Variants in TIGIT observed in about 807,000 individuals in gnomAD.
The protein encoded by TIGIT is T cell immunoreceptor with Ig and ITIM domains.
Under a neutral mutation model 19.6 loss-of-function variants are expected in TIGIT, and 11 were observed. The observed-to-expected ratio is 0.56, with a 90% CI of 0.35 to 0.93. The LOEUF is 0.93. TIGIT is among the 40% of genes least tolerant of loss of function. The probability of loss-of-function intolerance (pLI) is 0.01; values close to 1 mark genes in which losing one functional copy is unlikely to be tolerated. For missense variants in TIGIT, 295 were observed against 303.9 expected (o/e 0.97, Z 0.22); for synonymous variants, 130 against 125.5 (o/e 1.04, Z -0.24).
chr3:114,297,848 C>T (rs1462070018), intron 2 of TIGIT, among the ~76,000 whole-genome samples: 1 of 152,206 alleles, frequency 6.6e-6, no homozygotes, highest in African/African-American at 2.4e-5. Context: ...CCCACAAAGC[C>T]TGTATGTTTC....
At chr3:114,303,795 T>C (rs1337153234) in intron 3 of TIGIT, among the ~76,000 whole-genome samples, 1 of 152,030 alleles carries the variant, frequency 6.6e-6, no homozygotes, top group East Asian at 1.9e-4. Flanking sequence ...GTGGGATTAC[T>C]GGATTAAATC....
At chr3:114,300,473 A>G (rs1273112788) in intron 3 of TIGIT, among the ~76,000 whole-genome samples, 1 of 152,116 alleles carries the variant, frequency 6.6e-6, no homozygotes, top group East Asian at 1.9e-4. Flanking sequence ...AGAGTAATGA[A>G]TGGGGAATTG....
intron 1 of TIGIT, among the ~76,000 whole-genome samples, chr3:114,294,721 T>C (rs2078442245): frequency 6.6e-6 from 1 of 151,928 alleles, no homozygotes; most frequent in African/African-American, 2.4e-5. Flanking sequence ...TGGGGAGAGG[T>C]TAAGTGCTGA....
chr3:114,295,009 A>G (rs1192732975), intron 1 of TIGIT: 1 of 155,976 alleles, frequency 6.4e-6, no homozygotes, highest in Non-Finnish European at 1.4e-5. Flanking sequence ...CAAGCTGGCC[A>G]TGAAGCTACA....
chr3:114,295,426 C>T (rs1576135233), intron 1 of TIGIT, 119 bp from the exon 2 acceptor site: 1 of 749,932 alleles, frequency 1.3e-6, no homozygotes, highest in Non-Finnish European at 2.3e-6. Context: ...ACAGGATGGA[C>T]TGGAGAAACT....
At chr3:114,304,520 A>G (rs2078518235) in intron 3 of TIGIT, among the ~76,000 whole-genome samples, 1 of 152,198 alleles carries the variant, frequency 6.6e-6, no homozygotes, top group Non-Finnish European at 1.5e-5. Context: ...TTGACGCATT[A>G]TCCCTCATCC....
chr3:114,297,558 C>T (rs148522461), intron 2 of TIGIT, among the ~76,000 whole-genome samples: 35 of 152,216 alleles, frequency 2.3e-4, no homozygotes, highest in African/African-American at 6.3e-4. Context: ...ACGGCAGGAC[C>T]GGGAACAGGG....
rs188953993 is a variant in TIGIT, at chr3:114,299,799, T to G, written c.498+96T>G. On this transcript the variant is annotated intron_variant, in intron 3 of 3. Coordinates refer to ENST00000383671, the MANE Select transcript of TIGIT (RefSeq NM_173799.4). ...CTTTCCACCCAGAGAGAGACCCAGA[T>G]GTGATCTTCCCGAGTGCTCTTTGTG... 1,326 of 758,718 alleles carry G rather than the reference T, an allele frequency of 1.7e-3. 1 individual carries two copies. The highest frequency in any genetic ancestry group is 1.8e-3 in the Non-Finnish European group (812 of 443,940). 47.0% of individuals were successfully genotyped at this position (758,718 alleles called of 1,614,324 possible).
intron 2 of TIGIT, among the ~76,000 whole-genome samples, chr3:114,297,283 C>T (rs900502196): frequency 1.3e-5 from 2 of 152,076 alleles, no homozygotes; most frequent in African/African-American, 4.8e-5. Flanking sequence ...AAATTATGTA[C>T]TTTTTTTCTC....
At position 114,308,197 on chromosome 3, in the gene TIGIT, C is replaced by A; in HGVS notation, c.*66C>A. 7.8e-7 allele frequency: 1 copy of A among 1,290,234 alleles called. No individual in the cohort carries two copies. Among genetic ancestry groups the A allele is most frequent in the Non-Finnish European group, 1.1e-6 (1 of 898,286 alleles). 79.9% of individuals were successfully genotyped at this position (1,290,234 alleles called of 1,614,324 possible). A position where few individuals can be genotyped will look rare whatever the true frequency, so the allele number is the denominator to read the frequency against. On this transcript the variant is annotated 3_prime_UTR_variant, in exon 4 of 4. Transcript: ENST00000383671. ...CTATTATAGATGAATATATAAGCAG[C>A]TGTACTCTCCATCAGTGCTGCGTGT...
chr3:114,297,306 G>T (rs1219961658), intron 2 of TIGIT, among the ~76,000 whole-genome samples: 1 of 152,046 alleles, frequency 6.6e-6, no homozygotes, highest in African/African-American at 2.4e-5. Flanking sequence ...TTTTCTTGTC[G>T]ATAAAATGTG....
chr3:114,309,031 C>G lies in TIGIT; in HGVS notation c.*900C>G, dbSNP rs560521373. 1 of 152,352 alleles carries G rather than the reference C, an allele frequency of 6.6e-6. No individual in the cohort carries two copies. Among genetic ancestry groups the G allele is most frequent in the African/African-American group, 2.4e-5 (1 of 41,570 alleles). The allele number at this position is 152,352 out of a possible 1,614,324, so 9.4% of individuals were successfully genotyped here. On this transcript the variant is annotated 3_prime_UTR_variant, in exon 4 of 4. Transcript: ENST00000383671. ...TCCGGCCGTGTGTGCTGGGGAAGCC[C>G]CAGGAAACGCACATGCCCACACAGG...
chr3:114,299,636 G>T lies in TIGIT; in HGVS notation c.431G>T (p.Gly144Val). ...HGARFQIPLL[G>V]AMAATLVVIC... ...GCCAGGTTCCAGATTCCATTGCTTGGAGCCATGGCCGCGACGCTGGTGGTC... is the reference window on the plus strand; with the variant it reads ...GCCAGGTTCCAGATTCCATTGCTTGTAGCCATGGCCGCGACGCTGGTGGTC... Residue 144 changes from glycine (G) to valine (V), a missense_variant, in exon 3 of 4, where the codon GGA becomes GTA. By Grantham distance (109) the Gly-to-Val change is moderately radical. Coordinates refer to ENST00000383671, the MANE Select transcript of TIGIT (RefSeq NM_173799.4). 1 of 1,613,378 alleles carries T rather than the reference G, an allele frequency of 6.2e-7. No homozygotes were observed.
At position 114,309,964 on chromosome 3, in the gene TIGIT, GATTCAATTTGAAAAAAATTTTTTTAAA is replaced by G. The variant is rs2078561145; in HGVS notation, c.*1834_*1860del. 6.6e-6 allele frequency: 1 copy of G among 152,068 alleles called. No homozygotes were observed. Among genetic ancestry groups the G allele is most frequent in the Non-Finnish European group, 1.5e-5 (1 of 68,010 alleles). 9.4% of individuals were successfully genotyped at this position (152,068 alleles called of 1,614,324 possible). A position where few individuals can be genotyped will look rare whatever the true frequency, so the allele number is the denominator to read the frequency against. On this transcript the variant is annotated 3_prime_UTR_variant, in exon 4 of 4. Coordinates refer to ENST00000383671, the MANE Select transcript of TIGIT (RefSeq NM_173799.4). ...GAAATGGGTCAGGTTACTGAAATGGGATTCAATTTGAAAAAAATTTTTTTAAATAGAACTCACTGAACTAGATTCTCC... is the reference window on the plus strand; with the variant it reads ...GAAATGGGTCAGGTTACTGAAATGGGTAGAACTCACTGAACTAGATTCTCC...
intron 3 of TIGIT, among the ~76,000 whole-genome samples, chr3:114,304,713 G>C (rs576576478): frequency 6.6e-6 from 1 of 152,316 alleles, no homozygotes; most frequent in South Asian, 2.1e-4. Context: ...TTACGGGCCT[G>C]ATGGACAGTA....
Position 114,308,192 on chromosome 3 carries a change from AGCAGCTG to A in TIGIT, c.*62_*68del. 7.2e-7 allele frequency: 1 copy of A among 1,383,114 alleles called. No individual in the cohort carries two copies. 85.7% of individuals were successfully genotyped at this position (1,383,114 alleles called of 1,614,324 possible). ...CTTTGCTATTATAGATGAATATATA[AGCAGCTG>A]TACTCTCCATCAGTGCTGCGTGTGT... On this transcript the variant is annotated 3_prime_UTR_variant, in exon 4 of 4. Transcript: ENST00000383671.
rs2078524553 is a variant in TIGIT at position 114,305,145 on chromosome 3, A to C, written c.499-2750A>C. Among the ~76,000 whole-genome samples, 7 of 146,724 alleles carry C rather than the reference A, an allele frequency of 4.8e-5. No individual in the cohort carries two copies. In the South Asian group the frequency reaches 1.6e-3, roughly 34 times the overall value. On this transcript the variant is annotated intron_variant, in intron 3 of 3. Transcript: ENST00000383671. The stretch of plus-strand genomic sequence containing the variant: ...GAGTCCTAATATTAACTATTACCCT[A>C]TACTGTTGACCCAATTCCAGAGTTC...
chr3:114,305,425 G>T (rs140878606), intron 3 of TIGIT, among the ~76,000 whole-genome samples: 1 of 152,160 alleles, frequency 6.6e-6, no homozygotes, highest in African/African-American at 2.4e-5. Flanking sequence ...GTGACTTATT[G>T]GGACAGCTCT....
At chr3:114,303,549 A>ATGTATATATATACACATATATATG (rs1560033532) in intron 3 of TIGIT, among the ~76,000 whole-genome samples, 66 of 7,308 alleles carry the variant, frequency 9.0e-3, no homozygotes, top group African/African-American at 0.016. Context: ...ACACATATAT[A>ATGTATATATATACACATATATATG]TGTATATATA....
Sources: gnomAD v4.1 joint callset for allele counts (sites outside exome capture counted in the v4.1 genomes callset) on GRCh38, gnomAD v4.1.1 for gene constraint, MANE v1.5 for transcripts, NCBI Gene and HGNC (gene_info 2026-07-23, HGNC 2026-07-21) for gene names.